The following UQCC1 variants were observed in gnomAD, a reference collection of about 807,000 sequenced individuals.
UQCC1 encodes ubiquinol-cytochrome c reductase complex assembly factor 1.
In UQCC1, 38 loss-of-function variants were observed where a neutral mutation model predicts 48.0. The observed-to-expected ratio is 0.79, with a 90% CI of 0.61 to 1.04. The LOEUF is 1.04. UQCC1 is among the 50% of genes least tolerant of loss of function. The pLI is 0.00. For synonymous variants in UQCC1, 111 were observed against 129.2 expected (o/e 0.86, Z 0.95); for missense variants, 368 against 381.8 (o/e 0.96, Z 0.30).
intron 8 of UQCC1, chr20:35,309,195 G>A (rs564746878): frequency 1.3e-5 from 6 of 456,110 alleles, no homozygotes; most frequent in South Asian, 9.3e-5. Flanking sequence ...CACTTTGGGA[G>A]TCCAAGCTGG....
intron 4 of UQCC1, among the ~76,000 whole-genome samples, chr20:35,377,304 C>T (rs561265688): frequency 6.6e-6 from 1 of 152,228 alleles, no homozygotes; most frequent in South Asian, 2.1e-4. Flanking sequence ...TATCAACAGA[C>T]CAAAAAAAGC....
chr20:35,334,264 C>T (rs572213617), intron 7 of UQCC1, among the ~76,000 whole-genome samples: 1 of 152,222 alleles, frequency 6.6e-6, no homozygotes, highest in African/African-American at 2.4e-5. Flanking sequence ...GTGACCAGTA[C>T]TTAAGACAAA....
chr20:35,320,290 A>G (rs1258154653), intron 7 of UQCC1, among the ~76,000 whole-genome samples: 1 of 152,222 alleles, frequency 6.6e-6, no homozygotes, highest in Non-Finnish European at 1.5e-5. Flanking sequence ...CTACAACTTT[A>G]CACATTAGCC....
chr20:35,380,917 A>G (rs2061858427), intron 4 of UQCC1, among the ~76,000 whole-genome samples: 2 of 152,230 alleles, frequency 1.3e-5, no homozygotes, highest in African/African-American at 2.4e-5. Flanking sequence ...TCCAGTGAGC[A>G]TTTCCCTGGG....
intron 8 of UQCC1, among the ~76,000 whole-genome samples, chr20:35,307,914 C>T (rs369585423): frequency 2.0e-5 from 3 of 152,176 alleles, no homozygotes; most frequent in African/African-American, 4.8e-5. Context: ...GATGGCCATG[C>T]GGCCTTTAAG....
chr20:35,408,152 C>T (rs187071026), intron 1 of UQCC1, among the ~76,000 whole-genome samples: 21 of 152,084 alleles, frequency 1.4e-4, no homozygotes, highest in South Asian at 8.3e-4. Context: ...TATAAGGCCA[C>T]GTGTGGTGGT....
At chr20:35,362,341 C>A (rs1044941563) in intron 6 of UQCC1, among the ~76,000 whole-genome samples, 3 of 152,098 alleles carry the variant, frequency 2.0e-5, no homozygotes, top group Non-Finnish European at 4.4e-5. Context: ...GATGTGAATG[C>A]CATGATATGA....
At chr20:35,362,523 A>T (rs948172144) in intron 6 of UQCC1, among the ~76,000 whole-genome samples, 5 of 151,750 alleles carry the variant, frequency 3.3e-5, no homozygotes, top group Non-Finnish European at 5.9e-5. Flanking sequence ...TGCCTGGATA[A>T]TTTTTTTGTA....
intron 1 of UQCC1, among the ~76,000 whole-genome samples, chr20:35,410,716 A>AAAAAAC (rs1555820307): frequency 9.2e-6 from 1 of 108,732 alleles, no homozygotes; most frequent in Non-Finnish European, 1.8e-5. Flanking sequence ...AAAAAAAAAA[A>AAAAAAC]AAAAAAAACA....
At chr20:35,401,159 T>C (rs930988886) in intron 1 of UQCC1, among the ~76,000 whole-genome samples, 1 of 152,192 alleles carries the variant, frequency 6.6e-6, no homozygotes, top group Admixed American at 6.5e-5. Flanking sequence ...TATATAACCT[T>C]GTTTTATTGG....
chr20:35,364,490 A>G (rs1023512767), intron 6 of UQCC1, among the ~76,000 whole-genome samples: 1 of 152,302 alleles, frequency 6.6e-6, no homozygotes, highest in Admixed American at 6.5e-5. Flanking sequence ...CCTTCTCTCC[A>G]ACATCCCATG....
chr20:35,388,170 C>T (rs1601000629), intron 2 of UQCC1, among the ~76,000 whole-genome samples: 1 of 151,780 alleles, frequency 6.6e-6, no homozygotes, highest in Admixed American at 6.6e-5. Flanking sequence ...TTAGTAGAGA[C>T]AGGGTTTGAC....
chr20:35,400,928 A>T (rs954093204), intron 1 of UQCC1, among the ~76,000 whole-genome samples: 2 of 152,180 alleles, frequency 1.3e-5, no homozygotes, highest in African/African-American at 4.8e-5. Context: ...TAATCAGTCC[A>T]CTGACAGGCC....
At chr20:35,398,199 T>C (rs965330224) in intron 1 of UQCC1, among the ~76,000 whole-genome samples, 2 of 152,204 alleles carry the variant, frequency 1.3e-5, no homozygotes, top group Non-Finnish European at 2.9e-5. Context: ...CTATATGACC[T>C]GGTCTGGAAC....
At chr20:35,316,043 T>G (rs1024943529) in intron 7 of UQCC1, among the ~76,000 whole-genome samples, 3 of 152,150 alleles carry the variant, frequency 2.0e-5, no homozygotes, top group Admixed American at 2.0e-4. Context: ...AGGGTACAAC[T>G]CTGACCTCCA....
At chr20:35,319,330 A>C (rs946256727) in intron 7 of UQCC1, among the ~76,000 whole-genome samples, 4 of 152,166 alleles carry the variant, frequency 2.6e-5, no homozygotes, top group Admixed American at 1.3e-4. Context: ...CCAGCATGTC[A>C]CAGGGAGGGA....
At chr20:35,333,662 C>T (rs560603343) in intron 7 of UQCC1, among the ~76,000 whole-genome samples, 1 of 152,068 alleles carries the variant, frequency 6.6e-6, no homozygotes, top group Non-Finnish European at 1.5e-5. Flanking sequence ...TCTCCAGAGT[C>T]CTGCTGCCCC....
chr20:35,386,132 G>A, intron 2 of UQCC1: 1 of 322,306 alleles, frequency 3.1e-6, no homozygotes, highest in South Asian at 2.7e-5. Context: ...GACTGCATAT[G>A]GGCAAGTTTA....
chr20:35,393,863 A>T lies in UQCC1; in HGVS notation c.129+229T>A, dbSNP rs1057188368. ...GAAAAATTCCCTAACAGTAAAAATC[A>T]TCAGACTGTAGCATGGTATCCTAGG... On this transcript the variant is annotated intron_variant, in intron 2 of 9. Transcript: ENST00000374385. Among the ~76,000 whole-genome samples, 3 of 152,224 alleles carry T rather than the reference A, an allele frequency of 2.0e-5. No homozygotes were observed. The South Asian group carries it at 6.2e-4, about 31-fold the overall frequency.
Sources: gnomAD v4.1 joint callset for allele counts (sites outside exome capture counted in the v4.1 genomes callset) on GRCh38, gnomAD v4.1.1 for gene constraint, MANE v1.5 for transcripts, NCBI Gene and HGNC (gene_info 2026-07-23, HGNC 2026-07-21) for gene names.